BCL11A: variants seen among roughly 807,000 people sequenced by gnomAD.
The protein encoded by BCL11A is B cell CLL/lymphoma 11A.
Under a neutral mutation model 55.9 loss-of-function variants are expected in BCL11A, and 2 were observed. The ratio of observed to expected loss-of-function variants is 0.04; its 90% CI spans 0.01 to 0.11. BCL11A has a LOEUF of 0.11. BCL11A is among the 10% of genes least tolerant of loss of function. The pLI is 1.00. For synonymous variants in BCL11A, 465 were observed against 473.4 expected (o/e 0.98, Z 0.23); for missense variants, 817 against 1,137.1 (o/e 0.72, Z 4.05).
intron 2 of BCL11A, among the ~76,000 whole-genome samples, chr2:60,487,339 C>A (rs1255690608): frequency 6.6e-6 from 1 of 152,032 alleles, no homozygotes; most frequent in Non-Finnish European, 1.5e-5. Flanking sequence ...CTGCACCCCA[C>A]AATGCCACAC....
Position 60,521,069 on chromosome 2 carries a change from A to G in BCL11A, c.385+24902T>C, listed in dbSNP as rs187148097. The stretch of plus-strand genomic sequence containing the variant: ...AAGGAAGTGTAGCCTAGTGGTCAGC[A>G]CACACACACACACACACACACACAC... On this transcript the variant is annotated intron_variant, in intron 2 of 3. Transcript: ENST00000642384. Among the ~76,000 whole-genome samples the G allele has an allele frequency of 5.9e-3, 219 of 37,322 alleles. 3 individuals carry two copies. The highest frequency in any genetic ancestry group is 0.042 in the Admixed American group (184 of 4,348). 24.5% of individuals were successfully genotyped at this position (37,322 alleles called of 152,430 possible). A position where few individuals can be genotyped will look rare whatever the true frequency, so the allele number is the denominator to read the frequency against.
chr2:60,507,759 G>C (rs1224844107), intron 2 of BCL11A, among the ~76,000 whole-genome samples: 4 of 152,086 alleles, frequency 2.6e-5, no homozygotes, highest in Non-Finnish European at 2.9e-5. Flanking sequence ...GAAAGCGGGT[G>C]GGGTGGGGGG....
At chr2:60,531,478 T>C (rs988820835) in intron 2 of BCL11A, among the ~76,000 whole-genome samples, 5 of 152,212 alleles carry the variant, frequency 3.3e-5, no homozygotes, top group Non-Finnish European at 5.9e-5. Flanking sequence ...AATGGTCAAA[T>C]GAGAGCAAGG....
intron 2 of BCL11A, among the ~76,000 whole-genome samples, chr2:60,487,931 C>T (rs531073625): frequency 1.3e-5 from 2 of 152,334 alleles, no homozygotes; most frequent in South Asian, 4.2e-4. Flanking sequence ...CTGATAACAT[C>T]TGCCACTAAA....
At position 60,458,935 on chromosome 2, in the gene BCL11A, A is replaced by C; in HGVS notation, c.*1469T>G. On this transcript the variant is annotated 3_prime_UTR_variant, in exon 4 of 4. Coordinates refer to ENST00000642384, the MANE Select transcript of BCL11A (RefSeq NM_022893.4). Reference sequence around the variant, plus strand: ...CACAAATAGCACACAGTGTATGGAAAAGAAATGAAGTACAACTTTTAGGGA... The same window carrying C: ...CACAAATAGCACACAGTGTATGGAACAGAAATGAAGTACAACTTTTAGGGA... 3.9e-6 allele frequency: 4 copies of C among 1,034,290 alleles called. No homozygotes were observed. The highest frequency in any genetic ancestry group is 4.7e-6 in the Non-Finnish European group (4 of 859,006). 64.1% of individuals were successfully genotyped at this position (1,034,290 alleles called of 1,614,324 possible).
intron 2 of BCL11A, among the ~76,000 whole-genome samples, chr2:60,474,405 A>C (rs185575548): frequency 6.6e-6 from 1 of 152,362 alleles, no homozygotes; most frequent in East Asian, 1.9e-4. Flanking sequence ...CTAAAAGGCA[A>C]ATCCTTCATT....
At chr2:60,545,808 G>C (rs1670122341) in intron 2 of BCL11A, 163 bp downstream of exon 2, 1 of 653,416 alleles carries the variant, frequency 1.5e-6, no homozygotes. Context: ...CTGTGTTCTG[G>C]ACGTAAGCAA....
At chr2:60,497,072 G>T (rs149627919) in intron 2 of BCL11A, among the ~76,000 whole-genome samples, 1 of 152,188 alleles carries the variant, frequency 6.6e-6, no homozygotes. Flanking sequence ...GAGTGGACAG[G>T]GAGTACACCG....
intron 2 of BCL11A, among the ~76,000 whole-genome samples, chr2:60,493,167 A>C (rs945877650): frequency 1.6e-5 from 2 of 122,236 alleles, no homozygotes; most frequent in Non-Finnish European, 3.6e-5. Context: ...TTACTCTTTC[A>C]TTCTTCTACT....
chr2:60,505,541 T>A (rs1679539562), intron 2 of BCL11A, among the ~76,000 whole-genome samples: 1 of 152,232 alleles, frequency 6.6e-6, no homozygotes, highest in African/African-American at 2.4e-5. Flanking sequence ...AGCCCTCTTT[T>A]ACCTTCTTGT....
chr2:60,518,649 C>T (rs1668841268), intron 2 of BCL11A, among the ~76,000 whole-genome samples: 1 of 152,290 alleles, frequency 6.6e-6, no homozygotes, highest in East Asian at 1.9e-4. Flanking sequence ...AGGTGACACA[C>T]AAACCCAGCA....
At chr2:60,548,499 A>C (rs1353554461) in intron 1 of BCL11A, among the ~76,000 whole-genome samples, 1 of 152,228 alleles carries the variant, frequency 6.6e-6, no homozygotes, top group African/African-American at 2.4e-5. Context: ...ATTTACAATC[A>C]AAACCGGGAA....
intron 2 of BCL11A, 138 bp from the exon 3 acceptor site, chr2:60,468,971 G>T: frequency 3.4e-6 from 2 of 587,506 alleles, no homozygotes; most frequent in South Asian, 3.9e-5. Flanking sequence ...CAGGCCCAAG[G>T]CCTGAAACAA....
chr2:60,452,010 C>G (rs1675742707), exon 5 of BCL11A: 1 of 227,070 alleles, frequency 4.4e-6, no homozygotes, highest in African/African-American at 2.2e-5. Flanking sequence ...TAACCTAGTT[C>G]CCCTCCTACA....
intron 2 of BCL11A, chr2:60,543,008 C>A (rs1669993177): frequency 1.7e-5 from 2 of 118,300 alleles, no homozygotes; most frequent in South Asian, 2.7e-4. Context: ...CCAGCCTGGG[C>A]AACAAGAGCA....
intron 2 of BCL11A, among the ~76,000 whole-genome samples, chr2:60,489,518 A>C (rs1678495802): frequency 6.6e-6 from 1 of 152,246 alleles, no homozygotes; most frequent in African/African-American, 2.4e-5. Flanking sequence ...CTGTGTGCCA[A>C]GTGACCAGCC....
At chr2:60,478,189 T>C (rs1167279876) in intron 2 of BCL11A, 3 of 152,290 alleles carry the variant, frequency 2.0e-5, no homozygotes, top group South Asian at 2.1e-4. Flanking sequence ...GGGTGGAAAG[T>C]GTTATGTTCT....
intron 1 of BCL11A, among the ~76,000 whole-genome samples, chr2:60,552,387 G>A (rs748706547): frequency 6.6e-6 from 1 of 151,946 alleles, no homozygotes; most frequent in Non-Finnish European, 1.5e-5. Context: ...GCGTGCCCCC[G>A]GCCGCCTCCT....
chr2:60,493,009 CTTCT>C (rs1268673987), intron 2 of BCL11A, among the ~76,000 whole-genome samples: 2 of 152,160 alleles, frequency 1.3e-5, no homozygotes, highest in African/African-American at 2.4e-5. Flanking sequence ...TGACCCCTTC[CTTCT>C]AACCACTGAA....
Sources: gnomAD v4.1 joint callset for allele counts (sites outside exome capture counted in the v4.1 genomes callset) on GRCh38, gnomAD v4.1.1 for gene constraint, MANE v1.5 for transcripts, NCBI Gene and HGNC (gene_info 2026-07-23, HGNC 2026-07-21) for gene names.